The following ARHGAP6 variants were observed in gnomAD, a reference collection of about 807,000 sequenced individuals.
ARHGAP6 encodes the protein Rho GTPase activating protein 6.
Under a neutral mutation model 55.7 loss-of-function variants are expected in ARHGAP6, and 16 were observed. The observed-to-expected ratio is 0.29, with a 90% CI of 0.19 to 0.44. The LOEUF (loss-of-function observed/expected upper bound fraction) is 0.44. Ranked by LOEUF, ARHGAP6 falls within the 20% of genes least tolerant of loss-of-function variation. The pLI, the probability that ARHGAP6 is intolerant of heterozygous loss-of-function variation, is 1.00. For missense variants in ARHGAP6, 698 were observed against 808.9 expected, an observed-to-expected ratio of 0.86 and a Z score of 1.66; for synonymous variants, 382 against 360.9, an observed-to-expected ratio of 1.06 and a Z score of -0.66.
intron 10 of ARHGAP6, among the ~76,000 whole-genome samples, chrX:11,144,550 C>G (rs2045664466): frequency 1.8e-5 from 2 of 112,579 alleles, no homozygotes; most frequent in Non-Finnish European, 3.8e-5. Context: ...TCGCTAAGTG[C>G]CTCAGGGACT....
At chrX:11,485,737 G>T (rs1284248815) in intron 1 of ARHGAP6, among the ~76,000 whole-genome samples, 1 of 111,967 alleles carries the variant, frequency 8.9e-6, no homozygotes, top group African/African-American at 3.3e-5. Context: ...GGTAGGATCA[G>T]TGAGCCCAGT....
intron 1 of ARHGAP6, among the ~76,000 whole-genome samples, chrX:11,580,771 C>T (rs191627454): frequency 1.8e-5 from 2 of 112,284 alleles, no homozygotes; most frequent in East Asian, 5.6e-4. Flanking sequence ...TTCTCTAATA[C>T]TTCCATTTGT....
At chrX:11,621,964 T>C (rs757043162) in intron 1 of ARHGAP6, among the ~76,000 whole-genome samples, 27 of 111,732 alleles carry the variant, frequency 2.4e-4, no homozygotes, top group Non-Finnish European at 5.6e-5. Context: ...CAACAAATGG[T>C]AGAAGAACCT....
intron 9 of ARHGAP6, among the ~76,000 whole-genome samples, chrX:11,160,787 A>T (rs1569235516): frequency 8.9e-6 from 1 of 112,062 alleles, no homozygotes; most frequent in Non-Finnish European, 1.9e-5. Context: ...AACAAATGCA[A>T]ATAGGAAGGG....
intron 1 of ARHGAP6, among the ~76,000 whole-genome samples, chrX:11,443,131 C>T (rs1411503382): frequency 8.9e-6 from 1 of 112,185 alleles, no homozygotes; most frequent in Non-Finnish European, 1.9e-5. Context: ...ACTTCAAACA[C>T]CATTGATCTG....
intron 1 of ARHGAP6, among the ~76,000 whole-genome samples, chrX:11,290,230 TTC>T (rs2073842730): frequency 8.9e-6 from 1 of 111,853 alleles, no homozygotes; most frequent in Non-Finnish European, 1.9e-5. Flanking sequence ...ACTGTAGGAT[TTC>T]TTTCAGAATC....
intron 2 of ARHGAP6, among the ~76,000 whole-genome samples, chrX:11,209,609 T>C (rs1466526358): frequency 1.8e-5 from 2 of 112,785 alleles, no homozygotes; most frequent in Non-Finnish European, 3.7e-5. Flanking sequence ...TGTGAAAAAA[T>C]AGATCTATTG....
chrX:11,312,663 C>T lies in ARHGAP6; in HGVS notation c.589-57956G>A, dbSNP rs1249051666. ...CAATGCCTGCCTGGTATGCAGCACT[C>T]GCTTAATCAGTGTTGTTGTGGATGA... On this transcript the variant is annotated intron_variant, in intron 1 of 12. Coordinates refer to ENST00000337414, the MANE Select transcript of ARHGAP6 (RefSeq NM_013427.3). 5.4e-5 allele frequency among the ~76,000 whole-genome samples: 6 copies of T among 111,657 alleles called. No homozygotes were observed. The South Asian group carries it at 2.3e-3, about 43-fold the overall frequency.
chrX:11,284,461 A>C (rs955606523), intron 1 of ARHGAP6, among the ~76,000 whole-genome samples: 2 of 112,016 alleles, frequency 1.8e-5, no homozygotes, highest in Non-Finnish European at 3.8e-5. Context: ...CAGGTGAGTG[A>C]TCTGTTTAAC....
At position 11,227,787 on chromosome X, in the gene ARHGAP6, CTTTTTCT is replaced by C. The variant is rs997456226; in HGVS notation, c.748+26754_748+26760del. ...CCCTCCAAATGCTTTTAAAATCTTTCTTTTTCTTTTTTCTTTTTTTTTTTTTGACTGA... is the reference window on the plus strand; with the variant it reads ...CCCTCCAAATGCTTTTAAAATCTTTCTTTTTCTTTTTTTTTTTTTGACTGA... On this transcript the variant is annotated intron_variant, in intron 2 of 12. Transcript: ENST00000337414. Among the ~76,000 whole-genome samples, 7 of 108,261 alleles carry C rather than the reference CTTTTTCT, an allele frequency of 6.5e-5. No homozygotes were observed. The East Asian group carries it at 1.1e-3, about 18-fold the overall frequency. The allele number at this position is 108,261 out of a possible 115,157, so 94.0% of individuals were successfully genotyped here.
chrX:11,570,862 G>A (rs112024278), intron 1 of ARHGAP6, among the ~76,000 whole-genome samples: 2,000 of 111,562 alleles, frequency 0.018, 28 homozygotes, highest in Middle Eastern at 0.06. Context: ...GGTGGTATTG[G>A]GAGGTAGGGG....
intron 1 of ARHGAP6, among the ~76,000 whole-genome samples, chrX:11,511,657 T>C (rs2050785748): frequency 8.9e-6 from 1 of 111,736 alleles, no homozygotes; most frequent in African/African-American, 3.3e-5. Flanking sequence ...GACCCATTGA[T>C]ATTTTGGTCC....
chrX:11,596,742 C>T (rs1305063076), intron 1 of ARHGAP6, among the ~76,000 whole-genome samples: 1 of 111,102 alleles, frequency 9.0e-6, no homozygotes, highest in African/African-American at 3.3e-5. Context: ...CTTCTAAATT[C>T]TCTGGTCTCA....
intron 1 of ARHGAP6, among the ~76,000 whole-genome samples, chrX:11,416,631 C>T (rs755187160): frequency 9.0e-6 from 1 of 111,029 alleles, no homozygotes; most frequent in African/African-American, 3.3e-5. Context: ...GGTCTACGAA[C>T]GGCCACTCCC....
chrX:11,437,548 A>G (rs776842883), intron 1 of ARHGAP6, among the ~76,000 whole-genome samples: 1 of 112,463 alleles, frequency 8.9e-6, no homozygotes, highest in South Asian at 3.7e-4. Flanking sequence ...AGGGGTGAGC[A>G]TAACAGGGTA....
chrX:11,399,641 A>G (rs1318170402), intron 1 of ARHGAP6, among the ~76,000 whole-genome samples: 4 of 112,006 alleles, frequency 3.6e-5, no homozygotes, highest in African/African-American at 9.7e-5. Flanking sequence ...TGTAAAATGG[A>G]GCAGCCACTT....
intron 1 of ARHGAP6, among the ~76,000 whole-genome samples, chrX:11,629,291 A>T (rs1211590544): frequency 9.0e-6 from 1 of 111,618 alleles, no homozygotes; most frequent in Non-Finnish European, 1.9e-5. Context: ...GATATCTGCC[A>T]TCACTTGGAA....
chrX:11,541,016 G>T (rs1276536261), intron 1 of ARHGAP6, among the ~76,000 whole-genome samples: 2 of 112,271 alleles, frequency 1.8e-5, no homozygotes, highest in African/African-American at 6.5e-5. Flanking sequence ...CCTGCATGGG[G>T]CTCCACAGGC....
At chrX:11,199,221 G>C (rs1470406709) in intron 2 of ARHGAP6, among the ~76,000 whole-genome samples, 1 of 111,920 alleles carries the variant, frequency 8.9e-6, no homozygotes, top group Non-Finnish European at 1.9e-5. Flanking sequence ...TCTAGCTTGG[G>C]GTTATTAGGA....
Sources: allele counts gnomAD v4.1 joint callset (sites outside exome capture counted in the v4.1 genomes callset), GRCh38; gene constraint gnomAD v4.1.1; transcripts MANE v1.5; gene names NCBI Gene and HGNC (gene_info 2026-07-23, HGNC 2026-07-21).